The following IQCB1 variants were observed in gnomAD, a reference collection of about 807,000 sequenced individuals.
IQCB1 encodes IQ motif containing B1.
A neutral mutation model predicts 84.4 loss-of-function variants in IQCB1; 56 were observed. The ratio of observed to expected loss-of-function variants is 0.66; its 90% CI spans 0.54 to 0.83. IQCB1 has a LOEUF of 0.83. IQCB1 is among the 40% of genes least tolerant of loss of function. The probability of loss-of-function intolerance (pLI) is 0.00; values close to 1 mark genes in which losing one functional copy is unlikely to be tolerated. For missense variants in IQCB1, 629 were observed against 682.1 expected (o/e 0.92, Z 0.87); for synonymous variants, 210 against 234.8 (o/e 0.89, Z 0.96).
intron 12 of IQCB1, 80 bp from the exon 13 acceptor site, chr3:121,781,954 T>C (rs762069643): frequency 4.4e-6 from 6 of 1,358,228 alleles, no homozygotes; most frequent in Non-Finnish European, 5.2e-6. Flanking sequence ...CATATGGTAG[T>C]GATCACATTG....
intron 7 of IQCB1, among the ~76,000 whole-genome samples, chr3:121,803,880 CT>C (rs1949507181): frequency 6.6e-6 from 1 of 152,094 alleles, no homozygotes; most frequent in Admixed American, 6.5e-5. Context: ...TAGGCTTGTA[CT>C]TTTTAAATCC....
intron 12 of IQCB1, 94 bp downstream of exon 12, chr3:121,788,190 G>T: frequency 1.6e-6 from 2 of 1,258,516 alleles, no homozygotes; most frequent in Non-Finnish European, 2.3e-6. Flanking sequence ...TAAGTGTCTT[G>T]ACCAAGGCTT....
intron 12 of IQCB1, among the ~76,000 whole-genome samples, chr3:121,785,252 T>C (rs1215834087): frequency 2.0e-5 from 3 of 151,842 alleles, no homozygotes; most frequent in Non-Finnish European, 2.9e-5. Context: ...CTCCTTTATA[T>C]TACTTTTTTT....
At chr3:121,800,653 C>T (rs2108574462) in intron 7 of IQCB1, among the ~76,000 whole-genome samples, 2 of 151,942 alleles carry the variant, frequency 1.3e-5, no homozygotes, top group Middle Eastern at 6.8e-3. Context: ...ACAGATATCC[C>T]TATCCCAATC....
intron 12 of IQCB1, among the ~76,000 whole-genome samples, chr3:121,787,131 G>A (rs1194172867): frequency 6.6e-6 from 1 of 151,862 alleles, no homozygotes; most frequent in African/African-American, 2.4e-5. Context: ...GAAGGAGTAG[G>A]AGACAGGCAT....
At chr3:121,824,429 C>T (rs1176735301) in intron 5 of IQCB1, among the ~76,000 whole-genome samples, 1 of 152,040 alleles carries the variant, frequency 6.6e-6, no homozygotes, top group Non-Finnish European at 1.5e-5. Context: ...TATTTTTGAA[C>T]CACTATTGGC....
chr3:121,798,013 A>T (rs1340274661), intron 8 of IQCB1, among the ~76,000 whole-genome samples: 3 of 151,990 alleles, frequency 2.0e-5, no homozygotes, highest in African/African-American at 4.8e-5. Flanking sequence ...TATCTTCAGG[A>T]ATCTGAATAA....
At chr3:121,811,041 T>A (rs1252021205) in intron 5 of IQCB1, among the ~76,000 whole-genome samples, 1 of 152,112 alleles carries the variant, frequency 6.6e-6, no homozygotes, top group East Asian at 1.9e-4. Flanking sequence ...CTCTCAGCAA[T>A]AGCAATGCAG....
intron 10 of IQCB1, among the ~76,000 whole-genome samples, chr3:121,794,365 A>G (rs751096399): frequency 1.3e-5 from 2 of 152,134 alleles, no homozygotes; most frequent in Non-Finnish European, 2.9e-5. Flanking sequence ...CATTATCTTG[A>G]TCATACAAGT....
intron 11 of IQCB1, 127 bp from the exon 12 acceptor site, chr3:121,788,559 C>G: frequency 2.1e-6 from 2 of 955,864 alleles, no homozygotes; most frequent in Non-Finnish European, 3.3e-6. Context: ...ACTAATTTTC[C>G]CAATTCTACT....
At chr3:121,807,502 G>T in intron 6 of IQCB1, 59 bp from the exon 7 acceptor site, 1 of 919,148 alleles carries the variant, frequency 1.1e-6, no homozygotes, top group Non-Finnish European at 1.8e-6. Flanking sequence ...AACAAAGGAA[G>T]ATTTTGTTCT....
chr3:121,787,424 A>G (rs1319292816), intron 12 of IQCB1, among the ~76,000 whole-genome samples: 1 of 152,238 alleles, frequency 6.6e-6, no homozygotes, highest in African/African-American at 2.4e-5. Flanking sequence ...ACAAAATAGT[A>G]CTATGCTCTA....
intron 10 of IQCB1, among the ~76,000 whole-genome samples, chr3:121,791,023 C>T (rs1046104176): frequency 6.6e-6 from 1 of 152,082 alleles, no homozygotes; most frequent in Non-Finnish European, 1.5e-5. Flanking sequence ...GTTTTTGTTG[C>T]TTCCAATATC....
At chr3:121,800,074 C>T (rs1456117522) in intron 7 of IQCB1, among the ~76,000 whole-genome samples, 1 of 151,860 alleles carries the variant, frequency 6.6e-6, no homozygotes, top group African/African-American at 2.4e-5. Flanking sequence ...AGATTCTTAT[C>T]TAAGAGCAAT....
rs1949822228 is a variant in IQCB1 at position 121,811,352 on chromosome 3, A to T, written c.394-2343T>A. Among the ~76,000 whole-genome samples, 3 of 152,160 alleles carry T rather than the reference A, an allele frequency of 2.0e-5. No homozygotes were observed. The South Asian group carries it at 6.2e-4, about 31-fold the overall frequency. On this transcript the variant is annotated intron_variant, in intron 5 of 14. Transcript: ENST00000310864. ...CAAAACTGGTCAGCTGTTTGGGCAGACACTGAGCTAGCTGCACGAGTTTCT... is the reference window on the plus strand; with the variant it reads ...CAAAACTGGTCAGCTGTTTGGGCAGTCACTGAGCTAGCTGCACGAGTTTCT...
chr3:121,821,962 G>A (rs1950290642), intron 5 of IQCB1, among the ~76,000 whole-genome samples: 1 of 152,178 alleles, frequency 6.6e-6, no homozygotes, highest in Admixed American at 6.5e-5. Flanking sequence ...AATCAGTTGA[G>A]GGCTTGAGTA....
rs1432269270 is a variant in IQCB1 at position 121,790,159 on chromosome 3, A to T, written c.1043T>A (p.Leu348His). Residue 348 changes from leucine to histidine, a missense_variant, in exon 11 of 15, where the codon CTC (leucine) becomes CAC (histidine). By Grantham distance (99) the Leu-to-His change is moderately conservative (BLOSUM62 -3). Coordinates refer to ENST00000310864, the MANE Select transcript of IQCB1 (RefSeq NM_001023570.4). ...TCTTTGAAGTTGCAATTGTAATTTGAGGTCCTCTTCTTCCTTCTGCCTATT... is the reference window on the plus strand; with the variant it reads ...TCTTTGAAGTTGCAATTGTAATTTGTGGTCCTCTTCTTCCTTCTGCCTATT... ...EINRQKEEED[L>H]KLQLQLQRQR... 3 of 1,613,478 alleles carry T rather than the reference A, an allele frequency of 1.9e-6. No individual in the cohort carries two copies. The African/African-American group carries it at 4.0e-5, about 22-fold the overall frequency.
intron 5 of IQCB1, among the ~76,000 whole-genome samples, chr3:121,815,384 C>T (rs779785419): frequency 2.2e-4 from 33 of 152,170 alleles, no homozygotes; most frequent in Non-Finnish European, 3.5e-4. Flanking sequence ...CACCCCTATT[C>T]AACATAGTAT....
At chr3:121,773,313 TAAAAAAAA>T (rs57716745) in intron 13 of IQCB1, among the ~76,000 whole-genome samples, 2 of 104,418 alleles carry the variant, frequency 1.9e-5, no homozygotes, top group Non-Finnish European at 3.7e-5. Context: ...GACTCTGCCT[TAAAAAAAA>T]AAAAAAAAAA....
Sources: allele counts gnomAD v4.1 joint callset (sites outside exome capture counted in the v4.1 genomes callset), GRCh38; gene constraint gnomAD v4.1.1; transcripts MANE v1.5; gene names NCBI Gene and HGNC (gene_info 2026-07-23, HGNC 2026-07-21).